The following KCNK2 variants were observed in gnomAD, a reference collection of about 807,000 sequenced individuals.
The protein encoded by KCNK2 is potassium two pore domain channel subfamily K member 2.
In KCNK2, 21 loss-of-function variants were observed where a neutral mutation model predicts 40.5. That is an observed-to-expected ratio of 0.52 (90% CI 0.37 to 0.75). The LOEUF is 0.75. KCNK2 is among the 30% of genes least tolerant of loss of function. The pLI is 0.00. For synonymous variants in KCNK2, 191 were observed against 202.2 expected, an observed-to-expected ratio of 0.94 and a Z score of 0.47; for missense variants, 399 against 531.6, an observed-to-expected ratio of 0.75 and a Z score of 2.45.
chr1:215,135,445 AT>A (rs1337604921), intron 3 of KCNK2, among the ~76,000 whole-genome samples: 2 of 152,044 alleles, frequency 1.3e-5, no homozygotes, highest in Non-Finnish European at 2.9e-5. Context: ...TTATTGACTA[AT>A]TTTTATTATT....
intron 3 of KCNK2, among the ~76,000 whole-genome samples, chr1:215,150,709 C>T (rs920515163): frequency 1.3e-5 from 2 of 151,972 alleles, no homozygotes; most frequent in African/African-American, 2.4e-5. Flanking sequence ...TTTAATCATG[C>T]ATTCAGCTAT....
intron 3 of KCNK2, among the ~76,000 whole-genome samples, chr1:215,147,732 G>A (rs1409484319): frequency 6.6e-6 from 1 of 152,158 alleles, no homozygotes; most frequent in Non-Finnish European, 1.5e-5. Flanking sequence ...CTACTTGGGA[G>A]GCTGAGGTAG....
intron 6 of KCNK2, among the ~76,000 whole-genome samples, chr1:215,203,841 A>G (rs1401667994): frequency 1.3e-5 from 2 of 151,916 alleles, no homozygotes; most frequent in Non-Finnish European, 2.9e-5. Flanking sequence ...GATCGAGACC[A>G]TCCTGGCAAA....
At chr1:215,210,004 T>TTTATATA (rs1665648523) in intron 6 of KCNK2, among the ~76,000 whole-genome samples, 1 of 79,336 alleles carries the variant, frequency 1.3e-5, no homozygotes, top group Non-Finnish European at 2.2e-5. Flanking sequence ...TAATATATAT[T>TTTATATA]ATATATAATA....
chr1:215,232,356 A>C, intron 6 of KCNK2, among the ~76,000 whole-genome samples: 1 of 152,198 alleles, frequency 6.6e-6, no homozygotes, highest in Non-Finnish European at 1.5e-5. Context: ...TGTGTACTAT[A>C]AGACCTTTTT....
At chr1:215,188,402 A>G (rs1445720483) in intron 5 of KCNK2, among the ~76,000 whole-genome samples, 1 of 152,176 alleles carries the variant, frequency 6.6e-6, no homozygotes, top group African/African-American at 2.4e-5. Flanking sequence ...TATGTCTCAT[A>G]TTAAGGATTC....
At chr1:215,066,046 G>A (rs914405218) in intron 1 of KCNK2, among the ~76,000 whole-genome samples, 2 of 152,096 alleles carry the variant, frequency 1.3e-5, no homozygotes, top group Admixed American at 6.5e-5. Flanking sequence ...GTTCTCACTC[G>A]TAAGTGAGAG....
rs553898148 is a variant in KCNK2, at chr1:215,103,529, C to T, written c.357+16851C>T. ...GGCTTCCTATTTTCTCTCTGGTTAA[C>T]GAGTTCCAAAGCTTCACATCAGTTT... On this transcript the variant is annotated intron_variant, in intron 2 of 6. Coordinates refer to ENST00000444842, the MANE Select transcript of KCNK2 (RefSeq NM_001017425.3). Among the ~76,000 whole-genome samples the T allele has an allele frequency of 5.3e-5, 8 of 151,978 alleles. No homozygotes were observed. In the South Asian group the frequency reaches 6.2e-4, roughly 12 times the overall value.
intron 2 of KCNK2, among the ~76,000 whole-genome samples, chr1:215,118,734 A>G (rs1661054530): frequency 6.6e-6 from 1 of 152,180 alleles, no homozygotes; most frequent in African/African-American, 2.4e-5. Context: ...AAAGCGGAAA[A>G]AATCTTAAAT....
chr1:215,076,485 A>G (rs953448278), intron 1 of KCNK2, among the ~76,000 whole-genome samples: 3 of 152,110 alleles, frequency 2.0e-5, no homozygotes, highest in South Asian at 4.1e-4. Context: ...GCTCACTTAC[A>G]TGGCTGTTGG....
intron 2 of KCNK2, among the ~76,000 whole-genome samples, chr1:215,095,642 T>C (rs1466237132): frequency 1.3e-5 from 2 of 152,074 alleles, no homozygotes; most frequent in African/African-American, 4.8e-5. Context: ...AGCGATGTTA[T>C]GGGGTTGCGT....
chr1:215,007,889 T>C (rs981996053), intron 1 of KCNK2, among the ~76,000 whole-genome samples: 2 of 152,210 alleles, frequency 1.3e-5, no homozygotes, highest in Non-Finnish European at 2.9e-5. Flanking sequence ...AACAGTTCTG[T>C]TCAGTCTATT....
intron 2 of KCNK2, among the ~76,000 whole-genome samples, chr1:215,106,437 AT>A (rs1037714105): frequency 4.7e-5 from 7 of 150,492 alleles, no homozygotes; most frequent in South Asian, 2.1e-4. Context: ...TAATAGGGAT[AT>A]TTTTTTTTCT....
At chr1:215,141,251 A>G (rs1662160582) in intron 3 of KCNK2, among the ~76,000 whole-genome samples, 1 of 152,156 alleles carries the variant, frequency 6.6e-6, no homozygotes, top group South Asian at 2.1e-4. Flanking sequence ...AAGGTATAAT[A>G]TAGTAAATAC....
At chr1:215,103,269 T>G (rs1243119288) in intron 2 of KCNK2, among the ~76,000 whole-genome samples, 1 of 151,932 alleles carries the variant, frequency 6.6e-6, no homozygotes, top group Non-Finnish European at 1.5e-5. Flanking sequence ...GATAAATTTT[T>G]ATGAGCATAG....
chr1:215,084,968 G>T (rs753900280), intron 1 of KCNK2, among the ~76,000 whole-genome samples: 17 of 152,172 alleles, frequency 1.1e-4, no homozygotes, highest in Non-Finnish European at 2.4e-4. Flanking sequence ...GCTTCTTTTT[G>T]ATGGGGAATT....
intron 1 of KCNK2, among the ~76,000 whole-genome samples, chr1:215,059,383 T>C (rs1252934768): frequency 6.6e-6 from 1 of 152,118 alleles, no homozygotes. Flanking sequence ...TAATCAACCC[T>C]ATATTTAAGC....
intron 2 of KCNK2, among the ~76,000 whole-genome samples, chr1:215,124,230 A>T (rs1661319309): frequency 6.6e-6 from 1 of 152,152 alleles, no homozygotes; most frequent in African/African-American, 2.4e-5. Flanking sequence ...CACTTTGGAA[A>T]TACTTTCTTT....
At chr1:215,135,950 T>G (rs556899437) in intron 3 of KCNK2, among the ~76,000 whole-genome samples, 5 of 152,062 alleles carry the variant, frequency 3.3e-5, no homozygotes, top group Admixed American at 2.6e-4. Flanking sequence ...GGCCAGGATG[T>G]TCTCAATCTC....
Sources: gnomAD v4.1 joint callset for allele counts (sites outside exome capture counted in the v4.1 genomes callset) on GRCh38, gnomAD v4.1.1 for gene constraint, MANE v1.5 for transcripts, NCBI Gene and HGNC (gene_info 2026-07-23, HGNC 2026-07-21) for gene names.